GPR132: variants seen among roughly 807,000 people sequenced by gnomAD.
The protein encoded by GPR132 is G protein-coupled receptor 132, also known as probable G protein-coupled receptor 132.
Under a neutral mutation model 1.9 loss-of-function variants are expected in GPR132, and 4 were observed. The ratio of observed to expected loss-of-function variants is 2.13; its 90% CI spans 1.05 to 4.87. GPR132 has a LOEUF of 4.87. Ranked by LOEUF, GPR132 falls within the 30% of genes most tolerant of loss-of-function variation. The probability of loss-of-function intolerance (pLI) is 0.01; values close to 1 mark genes in which losing one functional copy is unlikely to be tolerated. For missense variants in GPR132, 404 were observed against 512.5 expected (o/e 0.79, Z 2.04); for synonymous variants, 233 against 234.2 (o/e 0.99, Z 0.05).
At position 105,060,120 on chromosome 14, in the gene GPR132, G is replaced by T. The variant is rs77690794; in HGVS notation, c.-860-2840C>A. ...CCCTGAGTGGAGATGGTGGGGCAGC[G>T]CTGAGGGTCTTCAGACTCTCCCTCG... On this transcript the variant is annotated intron_variant, in intron 1 of 3. Transcript: ENST00000329797. The surrounding 1 kb of genome is among the most constrained non-coding windows in gnomAD (Gnocchi z 6.3). Among the ~76,000 whole-genome samples the T allele has an allele frequency of 6.6e-6, 1 of 152,334 alleles. No homozygotes were observed. Among genetic ancestry groups the T allele is most frequent in the African/African-American group, 2.4e-5 (1 of 41,576 alleles).
intron 1 of GPR132, among the ~76,000 whole-genome samples, chr14:105,064,084 C>A (rs1887020905): frequency 6.6e-6 from 1 of 152,188 alleles, no homozygotes; most frequent in African/African-American, 2.4e-5. Context: ...GGTGATCCAC[C>A]TGCCTTGGCC....
rs754357273 is a variant in GPR132 at position 105,052,959 on chromosome 14, C to CA, written c.35-858dup. On this transcript the variant is annotated intron_variant, in intron 3 of 3. Coordinates refer to ENST00000329797, the MANE Select transcript of GPR132 (RefSeq NM_013345.4). ...GGGCAACAAGAGTGAGACTCCTTCT[C>CA]AAAAAAAAAAAAAAAGTTGCTTGTG... Among the ~76,000 whole-genome samples, 451 of 115,668 alleles carry CA rather than the reference C, an allele frequency of 3.9e-3. 4 individuals are homozygous for CA. The highest frequency in any genetic ancestry group is 0.028 in the East Asian group (110 of 3,972). The allele number at this position is 115,668 out of a possible 152,430, so 75.9% of individuals were successfully genotyped here.
intron 3 of GPR132, among the ~76,000 whole-genome samples, chr14:105,054,922 C>T (rs1045486974): frequency 1.3e-5 from 2 of 149,716 alleles, no homozygotes; most frequent in African/African-American, 2.5e-5. Context: ...TGCCTGCAGT[C>T]CCAGCTACTT....
rs1408616562 is a variant in GPR132 at position 105,056,121 on chromosome 14, C to G, written c.-701G>C. On this transcript the variant is annotated 5_prime_UTR_variant, in exon 3 of 4. Transcript: ENST00000329797. The surrounding 1 kb of genome is among the most constrained non-coding windows in gnomAD (Gnocchi z 6.0). Reference sequence around the variant, plus strand: ...TCTCCCCACAGCCTCGCTGCGCTTGCTGGGTTTCTCCGGGTGAGTGTCGTG... The same window carrying G: ...TCTCCCCACAGCCTCGCTGCGCTTGGTGGGTTTCTCCGGGTGAGTGTCGTG... The G allele has an allele frequency of 2.0e-6, 2 of 985,590 alleles. No individual in the cohort carries two copies. Among genetic ancestry groups the G allele is most frequent in the Non-Finnish European group, 2.4e-6 (2 of 830,020 alleles). 61.1% of individuals were successfully genotyped at this position (985,590 alleles called of 1,614,324 possible). A position where few individuals can be genotyped will look rare whatever the true frequency, so the allele number is the denominator to read the frequency against.
rs1407620143 is a variant in GPR132, at chr14:105,050,983, AC to A, written c.*10del. On this transcript the variant is annotated 3_prime_UTR_variant, in exon 4 of 4. Coordinates refer to ENST00000329797, the MANE Select transcript of GPR132 (RefSeq NM_013345.4). The surrounding 1 kb of genome is among the most constrained non-coding windows in gnomAD (Gnocchi z 4.0). ...ACCCCCAACCTGCCATCCCCCTGCC[AC>A]ACAGTGGGCTCAGCAGGACTCCTCA... is the stretch of plus-strand genomic sequence containing the variant. 7 of 1,603,428 alleles carry A rather than the reference AC, an allele frequency of 4.4e-6. No individual in the cohort carries two copies. The highest frequency in any genetic ancestry group is 6.0e-6 in the Non-Finnish European group (7 of 1,171,416).
Position 105,059,407 on chromosome 14 carries a change from A to G in GPR132, c.-860-2127T>C, listed in dbSNP as rs2140934427. Among the ~76,000 whole-genome samples the G allele has an allele frequency of 6.6e-6, 1 of 152,304 alleles. No homozygotes were observed. The highest frequency in any genetic ancestry group is 2.1e-4 in the South Asian group (1 of 4,828). On this transcript the variant is annotated intron_variant, in intron 1 of 3. Transcript: ENST00000329797. The surrounding 1 kb of genome is among the most constrained non-coding windows in gnomAD (Gnocchi z 4.2). The stretch of plus-strand genomic sequence containing the variant: ...GCCCTTTCAAGTATATTTCTGTGAA[A>G]GGAAAGTATCTTGGGCCCCTTCAAG...
At chr14:105,054,171 G>T in intron 3 of GPR132, 1 of 1,264,454 alleles carries the variant, frequency 7.9e-7, no homozygotes, top group Non-Finnish European at 1.0e-6. Flanking sequence ...AGCACCTGAC[G>T]GACGGACAGA....
chr14:105,054,000 G>A, intron 3 of GPR132: 2 of 1,273,710 alleles, frequency 1.6e-6, no homozygotes, highest in Non-Finnish European at 2.0e-6. Context: ...AGGTCACGCA[G>A]GGTGTGCAGT....
chr14:105,054,167 T>TGACG (rs1453107375), intron 3 of GPR132: 5 of 1,268,662 alleles, frequency 3.9e-6, no homozygotes, highest in Non-Finnish European at 5.1e-6. Flanking sequence ...CCTCAGCACC[T>TGACG]GACGGACGGA....
chr14:105,054,063 C>G (rs961173716), intron 3 of GPR132: 1 of 1,288,334 alleles, frequency 7.8e-7, no homozygotes. Flanking sequence ...GTCCTGGCTG[C>G]CCACTCTGGC....
chr14:105,061,496 T>G (rs143825936), intron 1 of GPR132, among the ~76,000 whole-genome samples: 2 of 152,254 alleles, frequency 1.3e-5, no homozygotes, highest in East Asian at 3.9e-4. Flanking sequence ...GCCAGCCCAG[T>G]GGCCCCACCC....
intron 1 of GPR132, chr14:105,058,032 G>A (rs1438375137): frequency 6.6e-6 from 1 of 152,148 alleles, no homozygotes; most frequent in Non-Finnish European, 1.5e-5. Context: ...ATAAAGCTGG[G>A]AGAGAAAAGA....
rs1182551875 is a variant in GPR132, at chr14:105,059,236, G to A, written c.-860-1956C>T. 6.6e-6 allele frequency among the ~76,000 whole-genome samples: 1 copy of A among 152,212 alleles called. No homozygotes were observed. The highest frequency in any genetic ancestry group is 2.4e-5 in the African/African-American group (1 of 41,466). ...AGAGGCTGGCCAGGGGCACTCCCTG[G>A]AGCCACTTGCTCTTCCCGCCCATCC... is the stretch of plus-strand genomic sequence containing the variant. On this transcript the variant is annotated intron_variant, in intron 1 of 3. Transcript: ENST00000329797. The surrounding 1 kb of genome is among the most constrained non-coding windows in gnomAD (Gnocchi z 4.2).
rs553990861 is a variant in GPR132 at position 105,053,254 on chromosome 14, G to A, written c.35-1152C>T. Among the ~76,000 whole-genome samples, 25 of 143,526 alleles carry A rather than the reference G, an allele frequency of 1.7e-4. 1 individual carries two copies. The highest frequency in any genetic ancestry group is 8.6e-4 in the Admixed American group (12 of 13,878). The allele number at this position is 143,526 out of a possible 152,430, so 94.2% of individuals were successfully genotyped here. A position where few individuals can be genotyped will look rare whatever the true frequency, so the allele number is the denominator to read the frequency against. The stretch of plus-strand genomic sequence containing the variant: ...CAGCTCACTGCAACCTCTGCCTCCC[G>A]GATTCAAGGGATTCTCCTGCCTCAG... On this transcript the variant is annotated intron_variant, in intron 3 of 3. Coordinates refer to ENST00000329797, the MANE Select transcript of GPR132 (RefSeq NM_013345.4).
chr14:105,060,663 G>A lies in GPR132; in HGVS notation c.-860-3383C>T, dbSNP rs1886916686. On this transcript the variant is annotated intron_variant, in intron 1 of 3. Transcript: ENST00000329797. The surrounding 1 kb of genome is among the most constrained non-coding windows in gnomAD (Gnocchi z 6.3). ...CCCTGGGCCCCATCAGAACGCCTGAGCCGCCCAGGAAGGGGCTCCCGGGGA... is the reference window on the plus strand; with the variant it reads ...CCCTGGGCCCCATCAGAACGCCTGAACCGCCCAGGAAGGGGCTCCCGGGGA... Among the ~76,000 whole-genome samples the A allele has an allele frequency of 6.6e-6, 1 of 152,202 alleles. No homozygotes were observed. Among genetic ancestry groups the A allele is most frequent in the African/African-American group, 2.4e-5 (1 of 41,450 alleles).
intron 3 of GPR132, among the ~76,000 whole-genome samples, chr14:105,053,676 AC>A (rs1252402882): frequency 3.4e-5 from 5 of 147,280 alleles, no homozygotes; most frequent in Non-Finnish European, 7.5e-5. Flanking sequence ...GTCATGTGAT[AC>A]CCCTCCTCTC....
chr14:105,064,653 A>T (rs544329067), intron 1 of GPR132, among the ~76,000 whole-genome samples: 1 of 152,266 alleles, frequency 6.6e-6, no homozygotes, highest in South Asian at 2.1e-4. Flanking sequence ...ATCTTCTTCC[A>T]GGAGCCTCTG....
intron 2 of GPR132, 92 bp downstream of exon 2, chr14:105,057,075 C>A (rs1395081786): frequency 1.3e-5 from 11 of 859,126 alleles, no homozygotes; most frequent in Middle Eastern, 2.1e-4. Flanking sequence ...TATTTTTATG[C>A]GTTAATTTTT....
Position 105,051,236 on chromosome 14 carries a change from C to G in GPR132, c.901G>C (p.Gly301Arg). ...ACGTAGATAATGGGGTCAGCCACGC[C>G]GTTCACCGTGGACAGGCACAGAAAC... ...VVFLCLSTVN[G>R]VADPIIYVLA... is the part of the protein sequence containing the mutation. The change falls in exon 4 of 4, where the codon GGC becomes CGC. Residue 301 changes from glycine to arginine, a missense_variant. Coordinates refer to ENST00000329797, the MANE Select transcript of GPR132 (RefSeq NM_013345.4). This position sits in a 1 kb window ranked among gnomAD's most constrained non-coding sequence, Gnocchi z 8.0. 1 of 1,613,516 alleles carries G rather than the reference C, an allele frequency of 6.2e-7. No homozygotes were observed. The highest frequency in any genetic ancestry group is 2.2e-5 in the East Asian group (1 of 44,860).
Sources: gnomAD v4.1 joint callset for allele counts (sites outside exome capture counted in the v4.1 genomes callset) on GRCh38, gnomAD v4.1.1 for gene constraint, Gnocchi (gnomAD v3.1) non-coding constraint, MANE v1.5 for transcripts, NCBI Gene and HGNC (gene_info 2026-07-23, HGNC 2026-07-21) for gene names.